GLYR1: variants seen among roughly 807,000 people sequenced by gnomAD.
The protein encoded by GLYR1 is cytokine-like nuclear factor N-PAC.
Under a neutral mutation model 72.7 loss-of-function variants are expected in GLYR1, and 21 were observed. The ratio of observed to expected loss-of-function variants is 0.29; its 90% CI spans 0.20 to 0.42. GLYR1 has a LOEUF of 0.42. Ranked by LOEUF, GLYR1 falls within the 10% of genes least tolerant of loss-of-function variation. The pLI, the probability that GLYR1 is intolerant of heterozygous loss-of-function variation, is 1.00. For missense variants in GLYR1, 594 were observed against 712.1 expected, an observed-to-expected ratio of 0.83 and a Z score of 1.89; for synonymous variants, 392 against 270.2, an observed-to-expected ratio of 1.45 and a Z score of -4.42.
At chr16:4,811,503 C>T (rs2083320718) in intron 14 of GLYR1, 120 bp downstream of exon 14, 1 of 1,360,906 alleles carries the variant, frequency 7.3e-7, no homozygotes, top group South Asian at 1.3e-5. Flanking sequence ...TCTGAACCTC[C>T]TCTGGCCAGG....
chr16:4,819,403 G>A (rs1159107264), intron 9 of GLYR1, among the ~76,000 whole-genome samples: 2 of 152,084 alleles, frequency 1.3e-5, no homozygotes, highest in African/African-American at 4.8e-5. Context: ...AAACTCCTGG[G>A]CTCAAGTGAT....
chr16:4,806,419 G>A (rs956326881), intron 15 of GLYR1, among the ~76,000 whole-genome samples: 2 of 151,140 alleles, frequency 1.3e-5, no homozygotes, highest in African/African-American at 2.4e-5. Flanking sequence ...TGCAGTGGTA[G>A]GATCATGGCT....
chr16:4,834,663 C>T (rs919685154), intron 3 of GLYR1, among the ~76,000 whole-genome samples: 6 of 151,838 alleles, frequency 4.0e-5, no homozygotes, highest in African/African-American at 1.5e-4. Context: ...ACGGGGTTTC[C>T]CTGTGTTGGC....
chr16:4,811,197 C>G lies in GLYR1; in HGVS notation c.1560G>C (p.Pro520=). ...AIALGDAVNH[P]TPMAAAANEV... is the part of the protein sequence containing the mutation. ...CATTTGCTGCAGCTGCCATGGGAGTCGGATGGTTGACCGCATCACCCAGCG... is the reference window on the plus strand; with the variant it reads ...CATTTGCTGCAGCTGCCATGGGAGTGGGATGGTTGACCGCATCACCCAGCG... Residue 520 remains proline, a synonymous_variant, in exon 15 of 16, where the codon CCG becomes CCC. Coordinates refer to ENST00000321919, the MANE Select transcript of GLYR1 (RefSeq NM_032569.4). 1.2e-6 allele frequency: 2 copies of G among 1,613,996 alleles called. No homozygotes were observed. The highest frequency in any genetic ancestry group is 2.2e-5 in the East Asian group (1 of 44,886).
chr16:4,830,634 T>C lies in GLYR1; in HGVS notation c.537+1345A>G, dbSNP rs139502600. ...CCATCATGGCCTCGTCACCCAACTG[T>C]TGCTGCCAGCCATCTGGCTTCTGTT... On this transcript the variant is annotated intron_variant, in intron 5 of 15. Transcript: ENST00000321919. Among the ~76,000 whole-genome samples the C allele has an allele frequency of 4.3e-3, 654 of 152,324 alleles. 7 individuals are homozygous for C. The highest frequency in any genetic ancestry group is 0.015 in the African/African-American group (634 of 41,570).
intron 15 of GLYR1, among the ~76,000 whole-genome samples, chr16:4,807,935 A>C (rs1231107670): frequency 6.6e-6 from 1 of 152,214 alleles, no homozygotes; most frequent in East Asian, 1.9e-4. Flanking sequence ...AAGAGACAGA[A>C]GACAGAATTT....
rs375180355 is a variant in GLYR1, at chr16:4,846,161, G to C, written c.75+13C>G. The C allele has an allele frequency of 6.8e-6, 11 of 1,613,536 alleles. No homozygotes were observed. Among genetic ancestry groups the C allele is most frequent in the Non-Finnish European group, 9.3e-6 (11 of 1,179,700 alleles). On this transcript the variant is annotated intron_variant, in intron 2 of 15. Transcript: ENST00000321919. ...CAACTTCAGATCTCTTCCTTTAGTA[G>C]CAAGACACTCACCTTTCCTGGCCAA...
chr16:4,818,911 G>A (rs73515173), intron 9 of GLYR1, among the ~76,000 whole-genome samples: 8,804 of 152,056 alleles, frequency 0.058, 520 homozygotes, highest in African/African-American at 0.14. Context: ...CAATCCTTGT[G>A]ACAGAAGCAC....
At chr16:4,834,788 G>T (rs2085028638) in intron 3 of GLYR1, among the ~76,000 whole-genome samples, 1 of 152,100 alleles carries the variant, frequency 6.6e-6, no homozygotes, top group Non-Finnish European at 1.5e-5. Flanking sequence ...TCATCTTAAA[G>T]TTTGAAATTC....
chr16:4,836,840 C>G (rs1273721340), intron 3 of GLYR1, among the ~76,000 whole-genome samples: 1 of 150,496 alleles, frequency 6.6e-6, no homozygotes, highest in African/African-American at 2.5e-5. Flanking sequence ...CAAAACAAAT[C>G]AATACTAAAG....
At chr16:4,827,823 C>T (rs962259548) in intron 5 of GLYR1, among the ~76,000 whole-genome samples, 2 of 151,890 alleles carry the variant, frequency 1.3e-5, no homozygotes, top group East Asian at 3.9e-4. Context: ...TGGCATTAAC[C>T]CAGGAGGCGG....
In GLYR1 at chr16:4,805,340, G is replaced by A. The variant is rs751204666; in HGVS notation, c.1588-30C>T. The A allele has an allele frequency of 3.1e-6, 5 of 1,593,350 alleles. No individual in the cohort carries two copies. In the South Asian group the frequency reaches 5.6e-5, roughly 18 times the overall value. On this transcript the variant is annotated intron_variant, in intron 15 of 15. Transcript: ENST00000321919. ...AAAAAAAAGAGATGGCTCAGTCTCT[G>A]GCCCCAGAGCTGCCTTCAAGACCTA...
rs149923642 is a variant in GLYR1 at position 4,822,892 on chromosome 16, G to C, written c.664C>G (p.Leu222Val). ...DADPHFHHFL[L>V]SQTEKPAVCY... The stretch of plus-strand genomic sequence containing the variant: ...CAACTCACCTTCTCTGTTTGGCTTA[G>C]CAGGAAATGATGGAAATGAGGATCT... The change falls in exon 7 of 16, where the codon CTA becomes GTA. Residue 222 changes from leucine (L) to valine (V), a missense_variant. Physicochemically the swap from Leu to Val is conservative, Grantham distance 32. Transcript: ENST00000321919. 1.2e-6 allele frequency: 2 copies of C among 1,614,030 alleles called. No individual in the cohort carries two copies. Among genetic ancestry groups the C allele is most frequent in the Non-Finnish European group, 1.7e-6 (2 of 1,180,004 alleles).
At chr16:4,813,530 C>A (rs542914209) in intron 12 of GLYR1, among the ~76,000 whole-genome samples, 64 of 152,344 alleles carry the variant, frequency 4.2e-4, no homozygotes, top group African/African-American at 1.5e-3. Context: ...GATGCCCATC[C>A]CAGCCATGCA....
Position 4,815,000 on chromosome 16 carries a change from G to A in GLYR1, c.907-353C>T, listed in dbSNP as rs74456286. 4.5e-4 allele frequency among the ~76,000 whole-genome samples: 69 copies of A among 152,354 alleles called. 1 individual carries two copies. In the East Asian group the frequency reaches 0.012, roughly 27 times the overall value. ...TATCAACACTCTGCTGGGAATGTGG[G>A]GATGTCGCTGGAAGCCTTCCACCTG... On this transcript the variant is annotated intron_variant, in intron 10 of 15. Coordinates refer to ENST00000321919, the MANE Select transcript of GLYR1 (RefSeq NM_032569.4).
chr16:4,824,320 C>G (rs1399902721), intron 5 of GLYR1, among the ~76,000 whole-genome samples: 1 of 151,890 alleles, frequency 6.6e-6, no homozygotes, highest in African/African-American at 2.4e-5. Flanking sequence ...CGAGACCAGC[C>G]TGGCCAACAC....
intron 5 of GLYR1, among the ~76,000 whole-genome samples, chr16:4,824,264 C>T (rs908961926): frequency 2.0e-5 from 3 of 151,976 alleles, no homozygotes; most frequent in Non-Finnish European, 2.9e-5. Flanking sequence ...TCTGTAATCC[C>T]AGCACTTTGG....
chr16:4,824,463 G>A (rs1402650637), intron 5 of GLYR1, among the ~76,000 whole-genome samples: 2 of 136,046 alleles, frequency 1.5e-5, no homozygotes, highest in Non-Finnish European at 3.0e-5. Flanking sequence ...TTGCACCACC[G>A]CACTCCAGCC....
In GLYR1 at chr16:4,805,084, G is replaced by C. The variant is rs2082892374; in HGVS notation, c.*152C>G. 4.4e-6 allele frequency: 3 copies of C among 681,898 alleles called. No homozygotes were observed. The highest frequency in any genetic ancestry group is 3.3e-5 in the South Asian group (2 of 61,228). 42.2% of individuals were successfully genotyped at this position (681,898 alleles called of 1,614,324 possible). A position where few individuals can be genotyped will look rare whatever the true frequency, so the allele number is the denominator to read the frequency against. ...CCGGCCTCAGGGGAAGGGTGCTGCT[G>C]TGTGCTGTGCTGATGGCAAGTCTCA... On this transcript the variant is annotated 3_prime_UTR_variant, in exon 16 of 16. Transcript: ENST00000321919.
Sources: gnomAD v4.1 joint callset for allele counts (sites outside exome capture counted in the v4.1 genomes callset) on GRCh38, gnomAD v4.1.1 for gene constraint, MANE v1.5 for transcripts, NCBI Gene and HGNC (gene_info 2026-07-23, HGNC 2026-07-21) for gene names.